The following DYRK1B variants were observed in gnomAD, a reference collection of about 807,000 sequenced individuals.
DYRK1B encodes dual specificity tyrosine-phosphorylation-regulated kinase 1B.
Under a neutral mutation model 57.1 loss-of-function variants are expected in DYRK1B, and 20 were observed. The ratio of observed to expected loss-of-function variants is 0.35; its 90% CI spans 0.25 to 0.51. The LOEUF is 0.51. Ranked by LOEUF, DYRK1B falls within the 20% of genes least tolerant of loss-of-function variation. DYRK1B has a pLI of 0.96. For synonymous variants in DYRK1B, 409 were observed against 384.7 expected (o/e 1.06, Z -0.74); for missense variants, 732 against 886.3 (o/e 0.83, Z 2.21).
Position 39,831,799 on chromosome 19 carries a change from G to C in DYRK1B, c.63+6C>G. 2 of 1,548,656 alleles carry C rather than the reference G, an allele frequency of 1.3e-6. No homozygotes were observed. Among genetic ancestry groups the C allele is most frequent in the Admixed American group, 3.9e-5 (2 of 50,866 alleles). On this transcript the variant is annotated splice_donor_region_variant and intron_variant, in intron 2 of 10. Coordinates refer to ENST00000323039, the MANE Select transcript of DYRK1B (RefSeq NM_004714.3). ...CACGCAGGTGAGGAGCCAGCTGAAC[G>C]CGTACCTGCGTGTGCTCCTGGGGCC... is the stretch of plus-strand genomic sequence containing the variant.
At chr19:39,832,733 C>T (rs924195506) in intron 1 of DYRK1B, among the ~76,000 whole-genome samples, 3 of 152,108 alleles carry the variant, frequency 2.0e-5, no homozygotes, top group Non-Finnish European at 4.4e-5. Flanking sequence ...TTCAGGTCCT[C>T]CATATTAGGA....
rs1253804050 is a variant in DYRK1B at position 39,831,988 on chromosome 19, G to A, written c.-101-20C>T. ...TGAGACCTGAGAGCAGACAGGAAGT[G>A]GGAAAACAACATGGAACAAGGGGAT... On this transcript the variant is annotated intron_variant, in intron 1 of 10. Coordinates refer to ENST00000323039, the MANE Select transcript of DYRK1B (RefSeq NM_004714.3). 1 of 1,418,028 alleles carries A rather than the reference G, an allele frequency of 7.1e-7. No individual in the cohort carries two copies. The highest frequency in any genetic ancestry group is 1.5e-5 in the African/African-American group (1 of 68,448). 87.8% of individuals were successfully genotyped at this position (1,418,028 alleles called of 1,614,324 possible). A position where few individuals can be genotyped will look rare whatever the true frequency, so the allele number is the denominator to read the frequency against.
rs745965248 is a variant in DYRK1B, at chr19:39,826,788, C to A, written c.1295G>T (p.Arg432Leu). The change falls in exon 9 of 11, where the codon CGC becomes CTC. Residue 432 changes from arginine to leucine, a missense_variant. Around this residue, in one of 2 missense-constraint regions of DYRK1B, gnomAD observed 510 missense variants for 681.3 expected, o/e 0.75. Transcript: ENST00000323039. The surrounding 1 kb of genome is among the most constrained non-coding windows in gnomAD (Gnocchi z 6.3). ...GTTGGTGGCCTCGTCGGCCGTGCGG[C>A]GGAAGAAGCCGTGCTGCAGAGCCCC... is the stretch of plus-strand genomic sequence containing the variant. ...PLGALQHGFF[R>L]RTADEATNTG... is the part of the protein sequence containing the mutation. 1.9e-6 allele frequency: 3 copies of A among 1,549,596 alleles called. No homozygotes were observed. In the South Asian group the frequency reaches 3.6e-5, roughly 19 times the overall value.
chr19:39,826,081 T>A lies in DYRK1B; in HGVS notation c.1524A>T (p.Pro508=), dbSNP rs772531347. The A allele has an allele frequency of 2.6e-6, 4 of 1,519,046 alleles. No individual in the cohort carries two copies. Among genetic ancestry groups the A allele is most frequent in the Non-Finnish European group, 3.5e-6 (4 of 1,138,862 alleles). 94.1% of individuals were successfully genotyped at this position (1,519,046 alleles called of 1,614,324 possible). The change falls in exon 11 of 11, where the codon CCA becomes CCT. Residue 508 remains proline, a synonymous_variant. Transcript: ENST00000323039. The surrounding 1 kb of genome is among the most constrained non-coding windows in gnomAD (Gnocchi z 6.3). ...TDCEMNSPQV[P]PSQPLRPWAG... Reference sequence around the variant, plus strand: ...CCCAGGGCCGCAGCGGCTGGGAGGGTGGGACCTAAAAAAGCAAAGGAGCCA... The same window carrying A: ...CCCAGGGCCGCAGCGGCTGGGAGGGAGGGACCTAAAAAAGCAAAGGAGCCA...
At chr19:39,827,919 G>A (rs1191434977) in intron 6 of DYRK1B, among the ~76,000 whole-genome samples, 1 of 152,112 alleles carries the variant, frequency 6.6e-6, no homozygotes, top group Non-Finnish European at 1.5e-5. Context: ...ACCAGGCAGA[G>A]GCTGACATTC....
rs1968594412 is a variant in DYRK1B at position 39,827,432 on chromosome 19, G to A, written c.955-7C>T. Reference sequence around the variant, plus strand: ...TGCGGTTCATCTGGTCGACCTGTGAGCAGGCAGGGGTCAAGGTCATCAGGC... The same window carrying A: ...TGCGGTTCATCTGGTCGACCTGTGAACAGGCAGGGGTCAAGGTCATCAGGC... On this transcript the variant is annotated splice_polypyrimidine_tract_variant and splice_region_variant and intron_variant, in intron 7 of 10. Transcript: ENST00000323039. 1 of 1,611,062 alleles carries A rather than the reference G, an allele frequency of 6.2e-7. No homozygotes were observed. The highest frequency in any genetic ancestry group is 8.5e-7 in the Non-Finnish European group (1 of 1,177,608).
chr19:39,826,006 C>G lies in DYRK1B; in HGVS notation c.1599G>C (p.Ser533=), dbSNP rs772617463. The change falls in exon 11 of 11, where the codon TCG becomes TCC. Residue 533 remains serine (S), a synonymous_variant. Transcript: ENST00000323039. The surrounding 1 kb of genome is among the most constrained non-coding windows in gnomAD (Gnocchi z 6.3). ...ACTGGGCCCCGGTCCCAGGCAGTGA[C>G]GAGGCAGAGGCAGGGGCTTGATGTG... The part of the protein sequence containing the change: ...HKTHQAPASA[S]SLPGTGAQLP... 2 of 1,522,606 alleles carry G rather than the reference C, an allele frequency of 1.3e-6. No individual in the cohort carries two copies. The highest frequency in any genetic ancestry group is 1.8e-6 in the Non-Finnish European group (2 of 1,137,476). The allele number at this position is 1,522,606 out of a possible 1,614,324, so 94.3% of individuals were successfully genotyped here. A position where few individuals can be genotyped will look rare whatever the true frequency, so the allele number is the denominator to read the frequency against.
rs774158060 is a variant in DYRK1B at position 39,826,209 on chromosome 19, T to A, written c.1489A>T (p.Ile497Phe). The part of the protein sequence containing the change: ...NRYCGGPGPP[I>F]TDCEMNSPQV... ...GGGCTGTTCATCTCACAGTCTGTGA[T>A]AGGGGGCCCAGGGCCCCCACAATAT... Residue 497 changes from isoleucine (I) to phenylalanine (F), a missense_variant, in exon 10 of 11, where the codon ATC becomes TTC. Around this residue, in one of 2 missense-constraint regions of DYRK1B, gnomAD observed 222 missense variants for 205.0 expected, o/e 1.08. Coordinates refer to ENST00000323039, the MANE Select transcript of DYRK1B (RefSeq NM_004714.3). This position sits in a 1 kb window ranked among gnomAD's most constrained non-coding sequence, Gnocchi z 6.3. The A allele has an allele frequency of 1.3e-6, 2 of 1,575,214 alleles. No homozygotes were observed. Among genetic ancestry groups the A allele is most frequent in the East Asian group, 2.4e-5 (1 of 42,400 alleles).
At chr19:39,829,121 G>C (rs1251345670) in intron 5 of DYRK1B, among the ~76,000 whole-genome samples, 1 of 151,890 alleles carries the variant, frequency 6.6e-6, no homozygotes, top group Non-Finnish European at 1.5e-5. Context: ...GCCACCTCAT[G>C]CAAGTGACAG....
At chr19:39,831,427 T>A (rs570096855) in intron 2 of DYRK1B, among the ~76,000 whole-genome samples, 73 of 99,674 alleles carry the variant, frequency 7.3e-4, no homozygotes, top group Non-Finnish European at 1.1e-3. Flanking sequence ...TGAACTTTTC[T>A]TAGTAGCATT....
In DYRK1B at chr19:39,826,101, G is replaced by A. The variant is rs1269333830; in HGVS notation, c.1519-15C>T. On this transcript the variant is annotated splice_polypyrimidine_tract_variant and intron_variant, in intron 10 of 10. Coordinates refer to ENST00000323039, the MANE Select transcript of DYRK1B (RefSeq NM_004714.3). The surrounding 1 kb of genome is among the most constrained non-coding windows in gnomAD (Gnocchi z 6.3). ...GAGGGTGGGACCTAAAAAAGCAAAG[G>A]AGCCATGGGTGATGGAGACCCTGGT... 1.2e-5 allele frequency: 18 copies of A among 1,533,242 alleles called. No individual in the cohort carries two copies. The highest frequency in any genetic ancestry group is 1.8e-4 in the Middle Eastern group (1 of 5,662). 95.0% of individuals were successfully genotyped at this position (1,533,242 alleles called of 1,614,324 possible).
chr19:39,832,667 A>G (rs1386313882), intron 1 of DYRK1B, among the ~76,000 whole-genome samples: 1 of 152,112 alleles, frequency 6.6e-6, no homozygotes, highest in African/African-American at 2.4e-5. Context: ...CTCATCCACC[A>G]GGGCACGATT....
Position 39,827,434 on chromosome 19 carries a change from A to G in DYRK1B, c.955-9T>C. ...CGGTTCATCTGGTCGACCTGTGAGC[A>G]GGCAGGGGTCAAGGTCATCAGGCCA... On this transcript the variant is annotated splice_polypyrimidine_tract_variant and intron_variant, in intron 7 of 10. Coordinates refer to ENST00000323039, the MANE Select transcript of DYRK1B (RefSeq NM_004714.3). The G allele has an allele frequency of 6.2e-7, 1 of 1,610,968 alleles. No homozygotes were observed. The highest frequency in any genetic ancestry group is 8.5e-7 in the Non-Finnish European group (1 of 1,177,532).
intron 6 of DYRK1B, among the ~76,000 whole-genome samples, chr19:39,827,989 G>A (rs1409830341): frequency 6.6e-6 from 1 of 152,054 alleles, no homozygotes; most frequent in Non-Finnish European, 1.5e-5. Flanking sequence ...CAAAGTTGAA[G>A]CCTTCCACCT....
rs778835301 is a variant in DYRK1B, at chr19:39,829,863, C to A, written c.520+17G>T. 5 of 1,610,336 alleles carry A rather than the reference C, an allele frequency of 3.1e-6. No homozygotes were observed. The highest frequency in any genetic ancestry group is 4.2e-6 in the Non-Finnish European group (5 of 1,178,448). The stretch of plus-strand genomic sequence containing the variant: ...GCTATCCCAGGTGCCCACAGCCCTG[C>A]CAGTCCCAGGCCTCACCTATATAGT... On this transcript the variant is annotated intron_variant, in intron 5 of 10. Transcript: ENST00000323039.
At chr19:39,827,474 C>T (rs756243203) in intron 7 of DYRK1B, 36 bp downstream of exon 7, 34 of 1,610,178 alleles carry the variant, frequency 2.1e-5, no homozygotes, top group Non-Finnish European at 2.9e-5. Flanking sequence ...GGCTCCACCC[C>T]CTCCACCTCC....
In DYRK1B at chr19:39,826,213, G is replaced by C; in HGVS notation, c.1485C>G (p.Pro495=). ...TGTTCATCTCACAGTCTGTGATAGG[G>C]GGCCCAGGGCCCCCACAATATCGGT... ...YSNRYCGGPG[P]PITDCEMNSP... is the part of the protein sequence containing the mutation. The change falls in exon 10 of 11, where the codon CCC becomes CCG. Residue 495 remains proline (P), a synonymous_variant. Transcript: ENST00000323039. The surrounding 1 kb of genome is among the most constrained non-coding windows in gnomAD (Gnocchi z 6.3). 3 of 1,596,522 alleles carry C rather than the reference G, an allele frequency of 1.9e-6. No homozygotes were observed. The highest frequency in any genetic ancestry group is 1.1e-5 in the South Asian group (1 of 88,440).
rs968677245 is a variant in DYRK1B at position 39,828,694 on chromosome 19, A to G, written c.521-111T>C. The G allele has an allele frequency of 1.9e-5, 21 of 1,118,436 alleles. No homozygotes were observed. The African/African-American group carries it at 2.4e-4, about 13-fold the overall frequency. 69.3% of individuals were successfully genotyped at this position (1,118,436 alleles called of 1,614,324 possible). A position where few individuals can be genotyped will look rare whatever the true frequency, so the allele number is the denominator to read the frequency against. On this transcript the variant is annotated intron_variant, in intron 5 of 10. Coordinates refer to ENST00000323039, the MANE Select transcript of DYRK1B (RefSeq NM_004714.3). The surrounding 1 kb of genome is among the most constrained non-coding windows in gnomAD (Gnocchi z 4.3). ...TTACTAGCCACATTGTGCTGTCCCCACGGGTACCATCTGCTAGTCAAAATC... is the reference window on the plus strand; with the variant it reads ...TTACTAGCCACATTGTGCTGTCCCCGCGGGTACCATCTGCTAGTCAAAATC...
chr19:39,832,849 C>T, intron 1 of DYRK1B: 2 of 943,588 alleles, frequency 2.1e-6, no homozygotes, highest in African/African-American at 3.5e-5. Context: ...AGGCCCACTC[C>T]TCCTGATGGG....
Sources: gnomAD v4.1 joint callset for allele counts (sites outside exome capture counted in the v4.1 genomes callset) on GRCh38, gnomAD v4.1.1 for gene constraint, gnomAD v4.1.1 regional missense constraint, Gnocchi (gnomAD v3.1) non-coding constraint, MANE v1.5 for transcripts, NCBI Gene and HGNC (gene_info 2026-07-23, HGNC 2026-07-21) for gene names.